Variants in CMIP observed in about 807,000 individuals in gnomAD.
The protein encoded by CMIP is c-Maf inducing protein.
Under a neutral mutation model 97.3 loss-of-function variants are expected in CMIP, and 13 were observed. The ratio of observed to expected loss-of-function variants is 0.13; its 90% CI spans 0.09 to 0.21. CMIP has a LOEUF of 0.21. Among genes scored for constraint, CMIP ranks in the 10% least tolerant of loss-of-function variants. The pLI, the probability that CMIP is intolerant of heterozygous loss-of-function variation, is 1.00. For synonymous variants in CMIP, 538 were observed against 436.3 expected, an observed-to-expected ratio of 1.23 and a Z score of -2.91; for missense variants, 847 against 1,024.9, an observed-to-expected ratio of 0.83 and a Z score of 2.37.
chr16:81,709,643 G>A, intron 20 of CMIP, 103 bp from the exon 21 acceptor site: 1 of 1,307,554 alleles, frequency 7.6e-7, no homozygotes, highest in South Asian at 1.3e-5. Flanking sequence ...GTGGGGAGAG[G>A]GTGGCAGAGA....
chr16:81,500,264 T>TTCCGTCCG (rs1208122157), intron 1 of CMIP, among the ~76,000 whole-genome samples: 69 of 140,898 alleles, frequency 4.9e-4, no homozygotes, highest in African/African-American at 1.6e-3. Flanking sequence ...CCGTCCTTCC[T>TTCCGTCCG]TCCTTCCGTC....
intron 1 of CMIP, chr16:81,518,567 T>G (rs2089960700): frequency 6.6e-6 from 1 of 152,272 alleles, no homozygotes; most frequent in Admixed American, 6.5e-5. Context: ...GGTCAGGGCC[T>G]TTGGCTTACA....
chr16:81,513,412 T>C (rs979142434), intron 1 of CMIP, among the ~76,000 whole-genome samples: 3 of 152,138 alleles, frequency 2.0e-5, no homozygotes, highest in Non-Finnish European at 4.4e-5. Context: ...GGCTGTTGAG[T>C]GAATGACAGG....
chr16:81,693,132 C>A, intron 11 of CMIP, 26 bp from the exon 12 acceptor site: 2 of 1,606,164 alleles, frequency 1.2e-6, no homozygotes, highest in Non-Finnish European at 8.5e-7. Context: ...TGTTAACCGC[C>A]GTGTTTTCCC....
At position 81,707,058 on chromosome 16, in the gene CMIP, T is replaced by C; in HGVS notation, c.2242T>C (p.Ser748Pro). Residue 748 changes from serine (S) to proline (P), a missense_variant, in exon 20 of 21, where the codon TCA (serine) becomes CCA (proline). Physicochemically the swap from Ser to Pro is moderately conservative, Grantham distance 74. Coordinates refer to ENST00000537098, the MANE Select transcript of CMIP (RefSeq NM_198390.3). ...CSLNMNSTKLSADTYEDLKAK... is the reference protein window; with the variant it reads ...CSLNMNSTKLPADTYEDLKAK... ...TTTAAACATGAACAGCACCAAGCTC[T>C]CAGCTGACACCTACGAAGATCTGAA... 6.2e-7 allele frequency: 1 copy of C among 1,613,834 alleles called. No homozygotes were observed. The highest frequency in any genetic ancestry group is 8.5e-7 in the Non-Finnish European group (1 of 1,179,822).
At chr16:81,548,236 C>T (rs922279153) in intron 1 of CMIP, among the ~76,000 whole-genome samples, 4 of 150,472 alleles carry the variant, frequency 2.7e-5, no homozygotes, top group African/African-American at 7.4e-5. Context: ...TGGGCTCAAG[C>T]GATTCTCCTC....
rs1376036653 is a variant in CMIP, at chr16:81,444,834, A to G, written c.-408A>G. On this transcript the variant is annotated 5_prime_UTR_variant, in exon 1 of 21. Transcript: ENST00000537098. Reference sequence around the variant, plus strand: ...CTCTCGCCCGGACGGCCGCGCGGACACACGCTCTGTACACACGCGCGCGGC... The same window carrying G: ...CTCTCGCCCGGACGGCCGCGCGGACGCACGCTCTGTACACACGCGCGCGGC... 2.8e-5 allele frequency among the ~76,000 whole-genome samples: 4 copies of G among 142,446 alleles called. No homozygotes were observed. Among genetic ancestry groups the G allele is most frequent in the Non-Finnish European group, 4.6e-5 (3 of 64,570 alleles). 93.5% of individuals were successfully genotyped at this position (142,446 alleles called of 152,430 possible).
intron 3 of CMIP, among the ~76,000 whole-genome samples, chr16:81,642,991 T>C (rs928654922): frequency 6.6e-6 from 1 of 152,220 alleles, no homozygotes; most frequent in African/African-American, 2.4e-5. Flanking sequence ...CGGATGAACC[T>C]TGAGGACGGT....
At position 81,691,480 on chromosome 16, in the gene CMIP, C is replaced by T. The variant is rs553518471; in HGVS notation, c.1389-295C>T. Among the ~76,000 whole-genome samples the T allele has an allele frequency of 4.9e-3, 744 of 152,316 alleles. 2 individuals carry two copies. Among genetic ancestry groups the T allele is most frequent in the Non-Finnish European group, 7.8e-3 (528 of 68,036 alleles). On this transcript the variant is annotated intron_variant, in intron 10 of 20. Coordinates refer to ENST00000537098, the MANE Select transcript of CMIP (RefSeq NM_198390.3). ...CACCCCCTAATGGTCCCAAAGAGGG[C>T]ATGAACAATGATCACGTAGCCTTGG...
intron 1 of CMIP, among the ~76,000 whole-genome samples, chr16:81,493,974 C>T (rs548675942): frequency 2.6e-5 from 4 of 152,268 alleles, no homozygotes; most frequent in East Asian, 1.9e-4. Flanking sequence ...ATTTATTAGC[C>T]GTTTTTTTAA....
At chr16:81,551,037 G>T (rs2090645654) in intron 1 of CMIP, among the ~76,000 whole-genome samples, 1 of 125,384 alleles carries the variant, frequency 8.0e-6, no homozygotes, top group Non-Finnish European at 1.6e-5. Flanking sequence ...ACGCACCCCA[G>T]TCCCGTCACA....
intron 1 of CMIP, among the ~76,000 whole-genome samples, chr16:81,466,602 G>C (rs975075454): frequency 4.6e-5 from 7 of 152,126 alleles, no homozygotes; most frequent in African/African-American, 1.7e-4. Flanking sequence ...CTTCTTATTG[G>C]TATTACTTAC....
intron 14 of CMIP, among the ~76,000 whole-genome samples, chr16:81,698,275 AG>A (rs1906988706): frequency 6.6e-6 from 1 of 152,192 alleles, no homozygotes; most frequent in Non-Finnish European, 1.5e-5. Flanking sequence ...TGGGGTGTCG[AG>A]GCCTCCCCCC....
intron 1 of CMIP, among the ~76,000 whole-genome samples, chr16:81,507,175 G>C (rs968564336): frequency 2.0e-5 from 3 of 152,136 alleles, no homozygotes; most frequent in Non-Finnish European, 4.4e-5. Context: ...AGAATGGCGT[G>C]AACCCAGGAG....
Position 81,607,710 on chromosome 16 carries a change from G to A in CMIP, c.426+18G>A, listed in dbSNP as rs2091767979. The A allele has an allele frequency of 1.9e-6, 3 of 1,611,040 alleles. No individual in the cohort carries two copies. Among genetic ancestry groups the A allele is most frequent in the Non-Finnish European group, 2.5e-6 (3 of 1,177,480 alleles). ...TACTGCAGGTAGGAGAAATAAACAT[G>A]AACAAGCAGTTTCTTCTCCCTCATC... On this transcript the variant is annotated intron_variant, in intron 2 of 20. Transcript: ENST00000537098.
intron 4 of CMIP, among the ~76,000 whole-genome samples, chr16:81,656,437 G>A (rs1156505648): frequency 9.2e-5 from 14 of 152,164 alleles, no homozygotes; most frequent in Non-Finnish European, 1.9e-4. Flanking sequence ...TAGGAAATAC[G>A]AATTGGCACC....
chr16:81,625,982 C>G (rs1268161801), intron 3 of CMIP, among the ~76,000 whole-genome samples: 1 of 152,262 alleles, frequency 6.6e-6, no homozygotes, highest in African/African-American at 2.4e-5. Flanking sequence ...TGTCCCAGGG[C>G]TGCCAGGGCC....
At position 81,678,634 on chromosome 16, in the gene CMIP, T is replaced by TA; in HGVS notation, c.1388+6_1388+7insA. On this transcript the variant is annotated splice_region_variant and intron_variant, in intron 10 of 20. Coordinates refer to ENST00000537098, the MANE Select transcript of CMIP (RefSeq NM_198390.3). ...GTGGAAATCCTCAAGCTGCTGTGAG[T>TA]GCCCCCCCCGCGTGCCCGCCCCCGG... 1 of 1,384,630 alleles carries TA rather than the reference T, an allele frequency of 7.2e-7. No homozygotes were observed. 85.8% of individuals were successfully genotyped at this position (1,384,630 alleles called of 1,614,324 possible).
In CMIP at chr16:81,614,461, C is replaced by A. The variant is rs183415574; in HGVS notation, c.427-6415C>A. Reference sequence around the variant, plus strand: ...ATTGGCCTGTGTGCTTGCCAGGAGCCCGGAGGGAAGAGACCTGGAAATGAC... The same window carrying A: ...ATTGGCCTGTGTGCTTGCCAGGAGCACGGAGGGAAGAGACCTGGAAATGAC... On this transcript the variant is annotated intron_variant, in intron 2 of 20. Coordinates refer to ENST00000537098, the MANE Select transcript of CMIP (RefSeq NM_198390.3). This position sits in a 1 kb window ranked among gnomAD's most constrained non-coding sequence, Gnocchi z 5.3. 1.6e-4 allele frequency among the ~76,000 whole-genome samples: 25 copies of A among 152,230 alleles called. No individual in the cohort carries two copies. Among genetic ancestry groups the A allele is most frequent in the African/African-American group, 5.8e-4 (24 of 41,514 alleles).
Sources: allele counts gnomAD v4.1 joint callset (sites outside exome capture counted in the v4.1 genomes callset), GRCh38; gene constraint gnomAD v4.1.1; non-coding constraint Gnocchi (gnomAD v3.1); transcripts MANE v1.5; gene names NCBI Gene and HGNC (gene_info 2026-07-23, HGNC 2026-07-21).